SLC25A26: variants seen among roughly 807,000 people sequenced by gnomAD.
SLC25A26 encodes mitochondrial S-adenosylmethionine carrier protein.
A neutral mutation model predicts 37.8 loss-of-function variants in SLC25A26; 36 were observed. The observed-to-expected ratio is 0.95, with a 90% CI of 0.73 to 1.26. The LOEUF (loss-of-function observed/expected upper bound fraction) is 1.26, where lower values mean the gene tolerates loss of function less well. Ranked by LOEUF, SLC25A26 falls within the 50% of genes most tolerant of loss-of-function variation. The pLI, the probability that SLC25A26 is intolerant of heterozygous loss-of-function variation, is 0.00. For synonymous variants in SLC25A26, 129 were observed against 122.5 expected (o/e 1.05, Z -0.35); for missense variants, 390 against 331.1 (o/e 1.18, Z -1.38).
chr3:66,209,484 T>C (rs2071244810), intron 1 of SLC25A26, among the ~76,000 whole-genome samples: 1 of 142,346 alleles, frequency 7.0e-6, no homozygotes, highest in African/African-American at 2.5e-5. Flanking sequence ...GGTGTATACA[T>C]ATACTTTTAT....
intron 3 of SLC25A26, among the ~76,000 whole-genome samples, chr3:66,251,617 C>T (rs1458447665): frequency 6.6e-6 from 1 of 152,126 alleles, no homozygotes; most frequent in East Asian, 1.9e-4. Context: ...GTCAGGGCTT[C>T]CCCTGGCTTG....
At chr3:66,188,644 A>G (rs1392803286) in intron 1 of SLC25A26, among the ~76,000 whole-genome samples, 12 of 152,072 alleles carry the variant, frequency 7.9e-5, no homozygotes, top group African/African-American at 2.9e-4. Context: ...TGTTTTTTGT[A>G]TAGTCTGCGG....
chr3:66,319,185 A>C (rs1044564027), intron 5 of SLC25A26, among the ~76,000 whole-genome samples: 1 of 152,200 alleles, frequency 6.6e-6, no homozygotes, highest in African/African-American at 2.4e-5. Context: ...GAAGTAGAGA[A>C]GTGTATATGA....
At chr3:66,198,795 C>T (rs936501319) in intron 1 of SLC25A26, among the ~76,000 whole-genome samples, 3 of 152,064 alleles carry the variant, frequency 2.0e-5, no homozygotes, top group Non-Finnish European at 2.9e-5. Context: ...CTTACCCTCA[C>T]GTTCCCAGTG....
chr3:66,278,972 C>A (rs867944309), intron 5 of SLC25A26, among the ~76,000 whole-genome samples: 2 of 152,202 alleles, frequency 1.3e-5, no homozygotes, highest in Middle Eastern at 6.8e-3. Flanking sequence ...AATGATCAGA[C>A]CATGTAGTGT....
intron 1 of SLC25A26, among the ~76,000 whole-genome samples, chr3:66,233,632 T>G (rs1432092012): frequency 6.6e-6 from 1 of 152,248 alleles, no homozygotes; most frequent in South Asian, 2.1e-4. Context: ...TGTTTAAATC[T>G]GAAATATGTG....
intron 1 of SLC25A26, among the ~76,000 whole-genome samples, chr3:66,136,410 G>T (rs1354667923): frequency 6.6e-6 from 1 of 152,130 alleles, no homozygotes; most frequent in Non-Finnish European, 1.5e-5. Context: ...CTCTCCATTG[G>T]CCTATAGATG....
intron 9 of SLC25A26, 57 bp downstream of exon 9, chr3:66,370,659 G>A (rs1191783661): frequency 1.4e-6 from 2 of 1,422,176 alleles, no homozygotes; most frequent in Admixed American, 1.8e-5. Flanking sequence ...TCCTCCTTTA[G>A]CCTAACTTTG....
intron 5 of SLC25A26, among the ~76,000 whole-genome samples, chr3:66,286,711 G>T (rs1576797591): frequency 6.6e-6 from 1 of 152,108 alleles, no homozygotes; most frequent in Admixed American, 6.5e-5. Flanking sequence ...CAAGGGTGTT[G>T]CTCTGCCACC....
chr3:66,265,311 GAAAAAA>G (rs960513284), intron 5 of SLC25A26, among the ~76,000 whole-genome samples: 1 of 151,176 alleles, frequency 6.6e-6, no homozygotes, highest in Non-Finnish European at 1.5e-5. Flanking sequence ...TCTCAAAAAA[GAAAAAA>G]AATAAAAATA....
At chr3:66,280,153 A>T (rs778532101) in intron 5 of SLC25A26, among the ~76,000 whole-genome samples, 3 of 152,214 alleles carry the variant, frequency 2.0e-5, no homozygotes, top group Admixed American at 2.0e-4. Context: ...CATCTCAATC[A>T]TTAAGTTTTG....
chr3:66,237,685 T>C (rs1241657720), intron 2 of SLC25A26, among the ~76,000 whole-genome samples: 42 of 152,370 alleles, frequency 2.8e-4, no homozygotes, highest in Non-Finnish European at 4.4e-5. Flanking sequence ...GTATACTGTT[T>C]GCAGATACTT....
chr3:66,254,754 A>G (rs577828402), intron 3 of SLC25A26, among the ~76,000 whole-genome samples: 1 of 152,384 alleles, frequency 6.6e-6, no homozygotes, highest in African/African-American at 2.4e-5. Context: ...TGATTTATAT[A>G]TAAAATGGTG....
At chr3:66,263,415 G>A in intron 5 of SLC25A26, 36 bp downstream of exon 5, 1 of 1,337,838 alleles carries the variant, frequency 7.5e-7, no homozygotes, top group Non-Finnish European at 1.1e-6. Flanking sequence ...AAGTACGAAA[G>A]AATGATGTCC....
At chr3:66,343,307 A>G (rs941483760) in intron 5 of SLC25A26, among the ~76,000 whole-genome samples, 2 of 152,358 alleles carry the variant, frequency 1.3e-5, no homozygotes, top group East Asian at 3.9e-4. Flanking sequence ...GACTTGAAGA[A>G]TATTTGAAAA....
Position 66,191,667 on chromosome 3 carries a change from A to G in SLC25A26, c.-353-29075A>G, listed in dbSNP as rs1020535812. Among the ~76,000 whole-genome samples the G allele has an allele frequency of 3.2e-4, 49 of 151,672 alleles. 1 individual carries two copies. Among genetic ancestry groups the G allele is most frequent in the Admixed American group, 9.2e-4 (14 of 15,230 alleles). ...CACTTTGGGAGGGTGAGGTGGGTGG[A>G]TCATTTGAGGTCAGGAGTTCAAGAC... On this transcript the variant is annotated intron_variant, in intron 1 of 10. Coordinates refer to the SLC25A26 transcript ENST00000676754.
At chr3:66,235,826 A>C (rs36151171) in intron 1 of SLC25A26, among the ~76,000 whole-genome samples, 21,712 of 152,246 alleles carry the variant, frequency 0.14, 1,746 homozygotes, top group Non-Finnish European at 0.18. Flanking sequence ...AACCAATAAA[A>C]GTGGTTTACC....
At chr3:66,231,550 A>G (rs2072033021) in intron 1 of SLC25A26, among the ~76,000 whole-genome samples, 1 of 152,202 alleles carries the variant, frequency 6.6e-6, no homozygotes, top group South Asian at 2.1e-4. Flanking sequence ...AAGAAATATT[A>G]TTAACAGTAG....
intron 1 of SLC25A26, among the ~76,000 whole-genome samples, chr3:66,214,966 A>C (rs948125305): frequency 6.6e-6 from 1 of 152,110 alleles, no homozygotes; most frequent in African/African-American, 2.4e-5. Flanking sequence ...CATCTCTACT[A>C]AAAATACAAA....
Sources: gnomAD v4.1 joint callset for allele counts (sites outside exome capture counted in the v4.1 genomes callset) on GRCh38, gnomAD v4.1.1 for gene constraint, MANE v1.5 for transcripts, NCBI Gene and HGNC (gene_info 2026-07-23, HGNC 2026-07-21) for gene names.